The following AGBL1 variants were observed in gnomAD, a reference collection of about 807,000 sequenced individuals.
The protein encoded by AGBL1 is cytosolic carboxypeptidase 4.
Under a neutral mutation model 118.9 loss-of-function variants are expected in AGBL1, and 130 were observed. The ratio of observed to expected loss-of-function variants is 1.09; its 90% CI spans 0.95 to 1.26. The LOEUF (loss-of-function observed/expected upper bound fraction) is 1.26, where lower values mean the gene tolerates loss of function less well. Among genes scored for constraint, AGBL1 ranks in the 50% most tolerant of loss-of-function variants. The pLI is 0.00. For synonymous variants in AGBL1, 555 were observed against 478.9 expected (o/e 1.16, Z -2.08); for missense variants, 1,584 against 1,298.1 (o/e 1.22, Z -3.38).
chr15:86,237,428 CAGACGGG>C (rs2078570230), intron 6 of AGBL1, among the ~76,000 whole-genome samples: 1 of 152,180 alleles, frequency 6.6e-6, no homozygotes, highest in East Asian at 1.9e-4. Context: ...CACTGGTGGA[CAGACGGG>C]TGCCTTAAAT....
At chr15:86,472,731 C>T (rs1172043697) in intron 18 of AGBL1, among the ~76,000 whole-genome samples, 4 of 152,086 alleles carry the variant, frequency 2.6e-5, no homozygotes, top group Non-Finnish European at 5.9e-5. Context: ...CCAGCCTGGC[C>T]AACATGATGA....
intron 22 of AGBL1, among the ~76,000 whole-genome samples, chr15:86,678,426 T>C (rs2085888666): frequency 6.6e-6 from 1 of 152,140 alleles, no homozygotes; most frequent in African/African-American, 2.4e-5. Context: ...TTCTATATCA[T>C]GAGGAGTATT....
intron 21 of AGBL1, among the ~76,000 whole-genome samples, chr15:86,562,604 C>CT (rs1181641140): frequency 2.6e-5 from 4 of 152,058 alleles, no homozygotes; most frequent in Non-Finnish European, 5.9e-5. Context: ...CTAAAATTCT[C>CT]TTTTTTTGTT....
chr15:86,888,944 A>T (rs896924731), intron 22 of AGBL1, among the ~76,000 whole-genome samples: 1 of 152,184 alleles, frequency 6.6e-6, no homozygotes, highest in African/African-American at 2.4e-5. Flanking sequence ...CTGGGACAAG[A>T]CTAACAATAT....
At chr15:86,326,817 A>G (rs1182681690) in intron 17 of AGBL1, among the ~76,000 whole-genome samples, 1 of 152,216 alleles carries the variant, frequency 6.6e-6, no homozygotes, top group South Asian at 2.1e-4. Context: ...CAACTGATGA[A>G]GTATCTGAAA....
At chr15:86,552,143 G>T (rs1317702589) in intron 20 of AGBL1, among the ~76,000 whole-genome samples, 1 of 152,128 alleles carries the variant, frequency 6.6e-6, no homozygotes. Flanking sequence ...TAGACTTTGA[G>T]TGATGATGTT....
intron 1 of AGBL1, among the ~76,000 whole-genome samples, chr15:86,116,159 C>T (rs1243963183): frequency 1.3e-5 from 2 of 152,164 alleles, no homozygotes; most frequent in Non-Finnish European, 2.9e-5. Context: ...TTCATCTCAA[C>T]TCTGTTTTGT....
chr15:86,616,355 A>T lies in AGBL1; in HGVS notation c.2995-57918A>T, dbSNP rs796080796. Among the ~76,000 whole-genome samples, 94 of 136,256 alleles carry T rather than the reference A, an allele frequency of 6.9e-4. 2 individuals carry two copies. The highest frequency in any genetic ancestry group is 1.8e-3 in the African/African-American group (65 of 35,652). The allele number at this position is 136,256 out of a possible 152,430, so 89.4% of individuals were successfully genotyped here. On this transcript the variant is annotated intron_variant, in intron 21 of 22. Transcript: ENST00000614907. ...CCTCCACTTCAAAAAAAAAAAAAAA[A>T]AAAAAAAAAAAAAAAAATGAAGATG...
At chr15:86,233,319 T>C (rs1029077668) in intron 6 of AGBL1, among the ~76,000 whole-genome samples, 2 of 152,118 alleles carry the variant, frequency 1.3e-5, no homozygotes, top group Non-Finnish European at 2.9e-5. Context: ...TTCAGTTTGG[T>C]TTTTCAAACA....
intron 1 of AGBL1, chr15:86,109,777 A>G (rs1897253730): frequency 6.6e-6 from 1 of 152,202 alleles, no homozygotes; most frequent in Non-Finnish European, 1.5e-5. Flanking sequence ...ACTCACATTC[A>G]GTGCTGGATG....
intron 5 of AGBL1, among the ~76,000 whole-genome samples, chr15:86,214,448 A>G (rs1315410431): frequency 2.0e-5 from 3 of 152,244 alleles, no homozygotes; most frequent in African/African-American, 7.2e-5. Flanking sequence ...ACCTCTCTAT[A>G]TACATATTGC....
At chr15:86,654,248 C>G (rs1485310435) in intron 21 of AGBL1, among the ~76,000 whole-genome samples, 3 of 152,104 alleles carry the variant, frequency 2.0e-5, no homozygotes, top group African/African-American at 7.2e-5. Flanking sequence ...AATCTCTACT[C>G]CTCCCCTAGA....
chr15:86,857,520 C>T (rs76628044), intron 22 of AGBL1, among the ~76,000 whole-genome samples: 12 of 152,222 alleles, frequency 7.9e-5, no homozygotes, highest in African/African-American at 2.4e-4. Context: ...CTCTTCACTT[C>T]GCCCCACCTG....
chr15:86,517,860 C>A (rs996979583), intron 18 of AGBL1, among the ~76,000 whole-genome samples: 2 of 152,158 alleles, frequency 1.3e-5, no homozygotes, highest in African/African-American at 4.8e-5. Context: ...CAGTGTCTGG[C>A]CGATAGTCCC....
chr15:86,295,472 G>A, intron 17 of AGBL1, 64 bp downstream of exon 17: 4 of 1,469,888 alleles, frequency 2.7e-6, no homozygotes, highest in Middle Eastern at 1.8e-4. Flanking sequence ...AGTCTTGGAA[G>A]CATTCTGTCT....
At chr15:86,869,325 T>C (rs2079685505) in intron 22 of AGBL1, among the ~76,000 whole-genome samples, 2 of 152,052 alleles carry the variant, frequency 1.3e-5, no homozygotes, top group Non-Finnish European at 2.9e-5. Flanking sequence ...GCACAGCTGC[T>C]CCCACCCACC....
intron 22 of AGBL1, among the ~76,000 whole-genome samples, chr15:86,731,468 A>C (rs1388032507): frequency 6.6e-6 from 1 of 152,212 alleles, no homozygotes; most frequent in African/African-American, 2.4e-5. Flanking sequence ...CCAACAATAA[A>C]TATTCTGCAG....
intron 16 of AGBL1, among the ~76,000 whole-genome samples, chr15:86,286,527 A>T (rs2079450634): frequency 6.6e-6 from 1 of 151,544 alleles, no homozygotes; most frequent in African/African-American, 2.4e-5. Flanking sequence ...TATGAGTTTG[A>T]CTTTTTTATA....
chr15:86,741,191 A>G (rs2077672467), intron 22 of AGBL1, among the ~76,000 whole-genome samples: 1 of 151,822 alleles, frequency 6.6e-6, no homozygotes, highest in African/African-American at 2.4e-5. Context: ...GTCACATAGT[A>G]CAGAGGACTT....
Sources: allele counts gnomAD v4.1 joint callset (sites outside exome capture counted in the v4.1 genomes callset), GRCh38; gene constraint gnomAD v4.1.1; transcripts MANE v1.5; gene names NCBI Gene and HGNC (gene_info 2026-07-23, HGNC 2026-07-21).